The following MARCHF3 variants were observed in gnomAD, a reference collection of about 807,000 sequenced individuals.
The protein encoded by MARCHF3 is E3 ubiquitin-protein ligase MARCHF3.
Under a neutral mutation model 24.2 loss-of-function variants are expected in MARCHF3, and 13 were observed. The ratio of observed to expected loss-of-function variants is 0.54; its 90% confidence interval spans 0.35 to 0.85. The LOEUF (loss-of-function observed/expected upper bound fraction) is 0.85, where lower values mean the gene tolerates loss of function less well. MARCHF3 is among the 40% of genes least tolerant of loss of function. The pLI is 0.01. For missense variants in MARCHF3, 276 were observed against 325.0 expected (o/e 0.85, Z 1.16); for synonymous variants, 144 against 137.3 (o/e 1.05, Z -0.34).
chr5:127,007,875 C>T (rs1580481268), intron 1 of MARCHF3, among the ~76,000 whole-genome samples: 3 of 152,146 alleles, frequency 2.0e-5, no homozygotes, highest in Middle Eastern at 3.4e-3. Context: ...AACGTTAATA[C>T]ATATAAATAT....
At chr5:126,967,293 A>G (rs1052279524) in intron 1 of MARCHF3, among the ~76,000 whole-genome samples, 14 of 152,188 alleles carry the variant, frequency 9.2e-5, no homozygotes, top group Non-Finnish European at 1.9e-4. Context: ...AATTTGGCAT[A>G]CACGATATGC....
At chr5:126,964,605 T>C (rs1561449710) in intron 1 of MARCHF3, among the ~76,000 whole-genome samples, 1 of 152,372 alleles carries the variant, frequency 6.6e-6, no homozygotes, top group East Asian at 1.9e-4. Context: ...TGAGTTTTTT[T>C]CTTGTTGTCC....
At chr5:127,017,076 G>C (rs1234133075) in intron 1 of MARCHF3, among the ~76,000 whole-genome samples, 1 of 152,126 alleles carries the variant, frequency 6.6e-6, no homozygotes, top group African/African-American at 2.4e-5. Flanking sequence ...AGAACACTTG[G>C]ACGCAGGGAG....
intron 1 of MARCHF3, among the ~76,000 whole-genome samples, chr5:126,933,755 TC>T (rs1408760033): frequency 6.6e-6 from 1 of 152,246 alleles, no homozygotes; most frequent in African/African-American, 2.4e-5. Context: ...CTCTTTGGTA[TC>T]TTTTTAAAGC....
intron 1 of MARCHF3, among the ~76,000 whole-genome samples, chr5:126,980,206 G>A (rs1751348484): frequency 6.6e-6 from 1 of 152,084 alleles, no homozygotes; most frequent in Non-Finnish European, 1.5e-5. Context: ...AGTGACAAGT[G>A]GGCTGGGTGT....
intron 1 of MARCHF3, among the ~76,000 whole-genome samples, chr5:126,946,761 G>GGGGTGTGT (rs1186024076): frequency 4.4e-5 from 6 of 135,946 alleles, no homozygotes; most frequent in African/African-American, 1.7e-4. Context: ...TGTAAGTAGG[G>GGGGTGTGT]GTGTGTGTGT....
chr5:126,962,719 T>C (rs562854746), intron 1 of MARCHF3, among the ~76,000 whole-genome samples: 1 of 152,122 alleles, frequency 6.6e-6, no homozygotes, highest in South Asian at 2.1e-4. Context: ...CCCCAAGATA[T>C]CTCATTATGT....
intron 1 of MARCHF3, among the ~76,000 whole-genome samples, chr5:126,937,107 A>C (rs990825003): frequency 6.6e-6 from 1 of 152,250 alleles, no homozygotes; most frequent in Non-Finnish European, 1.5e-5. Flanking sequence ...GAATAAAATG[A>C]AGTGACAAAT....
At chr5:126,927,239 T>C (rs1749325998) in intron 1 of MARCHF3, among the ~76,000 whole-genome samples, 1 of 152,138 alleles carries the variant, frequency 6.6e-6, no homozygotes, top group Non-Finnish European at 1.5e-5. Flanking sequence ...AAGTAACACA[T>C]AGCCAAGGAC....
At chr5:126,941,454 G>A (rs1367314338) in intron 1 of MARCHF3, among the ~76,000 whole-genome samples, 5 of 148,446 alleles carry the variant, frequency 3.4e-5, no homozygotes, top group Non-Finnish European at 4.5e-5. Flanking sequence ...GTGATAAATA[G>A]AAAAAAAAAA....
At chr5:126,926,400 G>A (rs1341525949) in intron 1 of MARCHF3, among the ~76,000 whole-genome samples, 1 of 152,106 alleles carries the variant, frequency 6.6e-6, no homozygotes, top group African/African-American at 2.4e-5. Flanking sequence ...ACATTTGGCT[G>A]CATTACTTTG....
intron 1 of MARCHF3, among the ~76,000 whole-genome samples, chr5:127,016,912 C>T (rs1714229880): frequency 6.6e-6 from 1 of 152,182 alleles, no homozygotes; most frequent in Non-Finnish European, 1.5e-5. Context: ...GGCACATATA[C>T]ACCATGGAAT....
At chr5:126,875,261 G>C (rs567980681) in intron 4 of MARCHF3, among the ~76,000 whole-genome samples, 3 of 152,140 alleles carry the variant, frequency 2.0e-5, no homozygotes, top group Non-Finnish European at 4.4e-5. Flanking sequence ...GCCCAGGTGT[G>C]CTTCTGGAAC....
At chr5:126,908,841 C>T (rs535283333) in intron 3 of MARCHF3, among the ~76,000 whole-genome samples, 10 of 152,232 alleles carry the variant, frequency 6.6e-5, no homozygotes, top group South Asian at 4.2e-4. Flanking sequence ...ATTCTCCATC[C>T]AGCTTTGTTC....
At chr5:126,986,194 G>A (rs1334906584) in intron 1 of MARCHF3, among the ~76,000 whole-genome samples, 2 of 152,126 alleles carry the variant, frequency 1.3e-5, no homozygotes, top group Non-Finnish European at 2.9e-5. Flanking sequence ...AATGACCTCA[G>A]GCAAATTATT....
intron 1 of MARCHF3, among the ~76,000 whole-genome samples, chr5:126,970,311 C>T (rs920057184): frequency 3.3e-5 from 5 of 152,134 alleles, no homozygotes; most frequent in African/African-American, 1.2e-4. Context: ...TGGTCTCGAA[C>T]TCCTGACCTC....
In MARCHF3 at chr5:126,889,617, A is replaced by G. The variant is rs537783891; in HGVS notation, c.394-11223T>C. On this transcript the variant is annotated intron_variant, in intron 3 of 4. Transcript: ENST00000308660. ...TTTGAAAAAGGGGAAATTTCTTCCA[A>G]ATAGAAGGACCATGAAAACAGAGGA... is the stretch of plus-strand genomic sequence containing the variant. 7.2e-5 allele frequency among the ~76,000 whole-genome samples: 11 copies of G among 152,326 alleles called. No individual in the cohort carries two copies. The East Asian group carries it at 2.1e-3, about 29-fold the overall frequency.
chr5:126,995,028 C>A (rs1751903191), intron 1 of MARCHF3, among the ~76,000 whole-genome samples: 1 of 152,236 alleles, frequency 6.6e-6, no homozygotes. Flanking sequence ...ATTCTTGCTG[C>A]ACTGGCAGCT....
intron 3 of MARCHF3, among the ~76,000 whole-genome samples, chr5:126,907,721 C>A (rs7711046): frequency 6.9e-6 from 1 of 145,328 alleles, no homozygotes; most frequent in Non-Finnish European, 1.5e-5. Context: ...TGTCTCTGCA[C>A]GTGAGATGGG....
Sources: allele counts gnomAD v4.1 joint callset (sites outside exome capture counted in the v4.1 genomes callset), GRCh38; gene constraint gnomAD v4.1.1; transcripts MANE v1.5; gene names NCBI Gene and HGNC (gene_info 2026-07-23, HGNC 2026-07-21).